The following SLC2A13 variants were observed in gnomAD, a reference collection of about 807,000 sequenced individuals.
SLC2A13 encodes solute carrier family 2 member 13.
Under a neutral mutation model 64.4 loss-of-function variants are expected in SLC2A13, and 32 were observed. That is an observed-to-expected ratio of 0.50 (90% CI 0.37 to 0.67). The LOEUF is 0.67. Among genes scored for constraint, SLC2A13 ranks in the 30% least tolerant of loss-of-function variants. The pLI is 0.00. For missense variants in SLC2A13, 743 were observed against 829.2 expected (o/e 0.90, Z 1.28); for synonymous variants, 338 against 327.1 (o/e 1.03, Z -0.36).
intron 5 of SLC2A13, among the ~76,000 whole-genome samples, chr12:39,867,644 T>C (rs1360272745): frequency 6.6e-6 from 1 of 152,192 alleles, no homozygotes; most frequent in East Asian, 1.9e-4. Flanking sequence ...AGAAAATTCC[T>C]AAATAGGTAA....
chr12:39,990,201 TACTTC>T (rs1947110180), intron 3 of SLC2A13, among the ~76,000 whole-genome samples: 1 of 152,222 alleles, frequency 6.6e-6, no homozygotes, highest in African/African-American at 2.4e-5. Context: ...CATATTTATT[TACTTC>T]TTTATTTCTC....
intron 6 of SLC2A13, among the ~76,000 whole-genome samples, chr12:39,842,742 A>G (rs1299202882): frequency 6.6e-6 from 1 of 152,066 alleles, no homozygotes; most frequent in Non-Finnish European, 1.5e-5. Context: ...GAACATTTTC[A>G]TTGCTCAAGA....
chr12:39,795,076 T>C (rs571907604), intron 7 of SLC2A13, among the ~76,000 whole-genome samples: 19 of 152,276 alleles, frequency 1.2e-4, no homozygotes, highest in Admixed American at 8.5e-4. Context: ...TTCGGGAATA[T>C]TCTCAGTTAT....
At chr12:40,067,929 G>T (rs1937798825) in intron 1 of SLC2A13, among the ~76,000 whole-genome samples, 1 of 151,890 alleles carries the variant, frequency 6.6e-6, no homozygotes, top group African/African-American at 2.4e-5. Flanking sequence ...TTGAAGAAAG[G>T]GTCTCACTCT....
intron 6 of SLC2A13, among the ~76,000 whole-genome samples, chr12:39,860,247 A>AATTAGGTGTAAGGTGT (rs1943721636): frequency 6.6e-6 from 1 of 152,228 alleles, no homozygotes; most frequent in African/African-American, 2.4e-5. Context: ...GTGTAAGATG[A>AATTAGGTGTAAGGTGT]AAGGCTTGAA....
At chr12:40,016,144 G>A (rs1353522189) in intron 3 of SLC2A13, among the ~76,000 whole-genome samples, 4 of 151,746 alleles carry the variant, frequency 2.6e-5, no homozygotes, top group Non-Finnish European at 5.9e-5. Flanking sequence ...CTACAGCCAT[G>A]ATTCCATGTA....
chr12:39,952,312 C>G (rs1029024266), intron 3 of SLC2A13, among the ~76,000 whole-genome samples: 1 of 152,076 alleles, frequency 6.6e-6, no homozygotes, highest in African/African-American at 2.4e-5. Flanking sequence ...ATGGTATTCC[C>G]GCTGTTAGAA....
At chr12:39,890,475 A>C (rs1050139185) in intron 4 of SLC2A13, among the ~76,000 whole-genome samples, 2 of 152,160 alleles carry the variant, frequency 1.3e-5, no homozygotes, top group Non-Finnish European at 2.9e-5. Flanking sequence ...TGAGACAGGG[A>C]GATTATTCTG....
chr12:39,972,611 G>A (rs1024974311), intron 3 of SLC2A13, among the ~76,000 whole-genome samples: 4 of 151,176 alleles, frequency 2.6e-5, no homozygotes, highest in Admixed American at 6.6e-5. Flanking sequence ...CAATCCCAAC[G>A]TCAGTTACCC....
At chr12:39,997,879 G>C (rs1419677060) in intron 3 of SLC2A13, among the ~76,000 whole-genome samples, 2 of 152,126 alleles carry the variant, frequency 1.3e-5, no homozygotes, top group Non-Finnish European at 2.9e-5. Context: ...AGTAGATGTT[G>C]ATGGGGATGC....
At chr12:39,802,286 C>T (rs148393160) in intron 7 of SLC2A13, 3 of 152,152 alleles carry the variant, frequency 2.0e-5, no homozygotes, top group African/African-American at 7.2e-5. Flanking sequence ...GCCTGTCATT[C>T]AGGGATATGT....
intron 3 of SLC2A13, among the ~76,000 whole-genome samples, chr12:39,978,017 TGTAA>T (rs1213926460): frequency 6.6e-6 from 1 of 152,230 alleles, no homozygotes; most frequent in Non-Finnish European, 1.5e-5. Context: ...CCCACCACAC[TGTAA>T]GCTCTGTGAG....
chr12:39,867,088 T>C (rs1299761128), intron 5 of SLC2A13, among the ~76,000 whole-genome samples: 1 of 152,206 alleles, frequency 6.6e-6, no homozygotes, highest in African/African-American at 2.4e-5. Flanking sequence ...ATAGGTCTGT[T>C]ATGAAGATCA....
chr12:39,974,835 T>C (rs1056259520), intron 3 of SLC2A13, among the ~76,000 whole-genome samples: 1 of 152,218 alleles, frequency 6.6e-6, no homozygotes. Flanking sequence ...ACCTTACATT[T>C]TCCTGTAAGC....
intron 3 of SLC2A13, 107 bp downstream of exon 3, chr12:40,028,194 T>C (rs1947849884): frequency 3.8e-6 from 2 of 526,410 alleles, no homozygotes; most frequent in Non-Finnish European, 3.0e-6. Flanking sequence ...TATTTATACA[T>C]AAATACCCAT....
At chr12:39,903,523 C>T (rs908878946) in intron 4 of SLC2A13, among the ~76,000 whole-genome samples, 17 of 151,992 alleles carry the variant, frequency 1.1e-4, no homozygotes, top group African/African-American at 3.9e-4. Context: ...GAGGGAAGCT[C>T]ATGACAAGAT....
chr12:40,046,468 C>T (rs543937944), intron 2 of SLC2A13, among the ~76,000 whole-genome samples: 1 of 152,100 alleles, frequency 6.6e-6, no homozygotes, highest in Non-Finnish European at 1.5e-5. Flanking sequence ...ATCTATATTA[C>T]TTACATTAAT....
intron 1 of SLC2A13, among the ~76,000 whole-genome samples, chr12:40,067,202 C>T (rs1379450499): frequency 6.6e-6 from 1 of 151,896 alleles, no homozygotes; most frequent in Admixed American, 6.6e-5. Context: ...TATATAAATT[C>T]TTATTTATTT....
chr12:40,095,144 C>T (rs943269872), intron 1 of SLC2A13, among the ~76,000 whole-genome samples: 7 of 152,212 alleles, frequency 4.6e-5, no homozygotes, highest in African/African-American at 9.7e-5. Context: ...GGAAAAAATA[C>T]ACCCACACCA....
Sources: gnomAD v4.1 joint callset for allele counts (sites outside exome capture counted in the v4.1 genomes callset) on GRCh38, gnomAD v4.1.1 for gene constraint, MANE v1.5 for transcripts, NCBI Gene and HGNC (gene_info 2026-07-23, HGNC 2026-07-21) for gene names.